The following KCND2 variants were observed in gnomAD, a reference collection of about 807,000 sequenced individuals.
KCND2 encodes the protein A-type voltage-gated potassium channel KCND2.
In KCND2, 16 loss-of-function variants were observed where a neutral mutation model predicts 54.4. The observed-to-expected ratio is 0.29, with a 90% confidence interval of 0.20 to 0.45. The LOEUF (loss-of-function observed/expected upper bound fraction) is 0.45, where lower values mean the gene tolerates loss of function less well. KCND2 is among the 20% of genes least tolerant of loss of function. The pLI, the probability that KCND2 is intolerant of heterozygous loss-of-function variation, is 1.00. For missense variants in KCND2, 486 were observed against 824.2 expected, an observed-to-expected ratio of 0.59 and a Z score of 5.02; for synonymous variants, 317 against 310.7, an observed-to-expected ratio of 1.02 and a Z score of -0.21.
chr7:120,402,417 G>C (rs1271113349), intron 1 of KCND2, among the ~76,000 whole-genome samples: 1 of 152,146 alleles, frequency 6.6e-6, no homozygotes, highest in Non-Finnish European at 1.5e-5. Flanking sequence ...TCTGACCTAA[G>C]TGTTGTTGTT....
intron 1 of KCND2, among the ~76,000 whole-genome samples, chr7:120,731,625 T>A (rs1357273633): frequency 6.6e-6 from 1 of 152,226 alleles, no homozygotes; most frequent in African/African-American, 2.4e-5. Flanking sequence ...CCAATCTCCA[T>A]TTTTAAAACC....
chr7:120,634,403 A>G lies in KCND2; in HGVS notation c.1116-98500A>G, dbSNP rs572444306. 7.2e-5 allele frequency among the ~76,000 whole-genome samples: 11 copies of G among 152,266 alleles called. No homozygotes were observed. The South Asian group carries it at 2.1e-3, about 29-fold the overall frequency. On this transcript the variant is annotated intron_variant, in intron 1 of 5. Coordinates refer to ENST00000331113, the MANE Select transcript of KCND2 (RefSeq NM_012281.3). ...TGTCATCCCTACTTGAATGTCTCAA[A>G]CATATTTTATGCTAAATACAACCAC...
At chr7:120,398,182 T>C (rs75367512) in intron 1 of KCND2, among the ~76,000 whole-genome samples, 10 of 131,994 alleles carry the variant, frequency 7.6e-5, no homozygotes, top group South Asian at 7.0e-4. Context: ...CACACACACA[T>C]ATATATATAT....
intron 1 of KCND2, among the ~76,000 whole-genome samples, chr7:120,402,687 A>G (rs1490998227): frequency 1.3e-5 from 2 of 152,186 alleles, no homozygotes; most frequent in African/African-American, 4.8e-5. Flanking sequence ...AACTTTGATA[A>G]TAAATTCCAG....
intron 1 of KCND2, among the ~76,000 whole-genome samples, chr7:120,345,511 G>A (rs559438826): frequency 2.0e-5 from 3 of 152,150 alleles, no homozygotes; most frequent in East Asian, 1.9e-4. Flanking sequence ...TTACAAAACC[G>A]AAACTCTGTA....
intron 1 of KCND2, among the ~76,000 whole-genome samples, chr7:120,514,550 T>A (rs1803168681): frequency 1.3e-5 from 2 of 152,256 alleles, no homozygotes; most frequent in East Asian, 3.9e-4. Context: ...ATAAAATGTG[T>A]TTAAATAGGA....
intron 1 of KCND2, among the ~76,000 whole-genome samples, chr7:120,298,361 T>G (rs1799540139): frequency 6.6e-6 from 1 of 152,216 alleles, no homozygotes; most frequent in East Asian, 1.9e-4. Context: ...AAAACTATAG[T>G]AGATTTTCAC....
chr7:120,547,308 A>G (rs753813305), intron 1 of KCND2, among the ~76,000 whole-genome samples: 29 of 151,966 alleles, frequency 1.9e-4, no homozygotes, highest in Admixed American at 7.2e-4. Context: ...TAAGAGCTCA[A>G]TGACTGAAAT....
chr7:120,490,364 T>A (rs532368345), intron 1 of KCND2, among the ~76,000 whole-genome samples: 14 of 152,204 alleles, frequency 9.2e-5, no homozygotes, highest in Non-Finnish European at 1.9e-4. Context: ...CACTGTTTTG[T>A]GATCCCAGTA....
chr7:120,339,777 G>A (rs752017583), intron 1 of KCND2, among the ~76,000 whole-genome samples: 1 of 152,030 alleles, frequency 6.6e-6, no homozygotes, highest in African/African-American at 2.4e-5. Context: ...GAAGGGAAGG[G>A]GATCAGGTTG....
At chr7:120,539,895 A>G (rs1057406692) in intron 1 of KCND2, among the ~76,000 whole-genome samples, 53 of 152,284 alleles carry the variant, frequency 3.5e-4, no homozygotes, top group African/African-American at 1.3e-3. Context: ...AACTTCAAAT[A>G]GCATTTACAA....
At chr7:120,590,861 A>T (rs1792662461) in intron 1 of KCND2, among the ~76,000 whole-genome samples, 1 of 152,162 alleles carries the variant, frequency 6.6e-6, no homozygotes, top group Non-Finnish European at 1.5e-5. Context: ...GTCTAGGATA[A>T]CTTGTTATGA....
At position 120,275,208 on chromosome 7, in the gene KCND2, G is replaced by C; in HGVS notation, c.576G>C (p.Gly192=). ...TMALVFYYVT[G]FFIAVSVIAN... The stretch of plus-strand genomic sequence containing the variant: ...CCCTGGTGTTCTACTATGTCACGGG[G>C]TTTTTCATTGCCGTCTCTGTCATCG... The change falls in exon 1 of 6, where the codon GGG becomes GGC. Residue 192 remains glycine (G), a synonymous_variant. Coordinates refer to ENST00000331113, the MANE Select transcript of KCND2 (RefSeq NM_012281.3). 6.2e-7 allele frequency: 1 copy of C among 1,613,940 alleles called. No homozygotes were observed. The highest frequency in any genetic ancestry group is 8.5e-7 in the Non-Finnish European group (1 of 1,180,006).
At chr7:120,699,339 G>A (rs750842322) in intron 1 of KCND2, among the ~76,000 whole-genome samples, 1 of 151,864 alleles carries the variant, frequency 6.6e-6, no homozygotes, top group Non-Finnish European at 1.5e-5. Context: ...GGATCAATTT[G>A]CAAAGGTTAA....
intron 1 of KCND2, among the ~76,000 whole-genome samples, chr7:120,532,125 AT>A (rs1453484719): frequency 6.6e-6 from 1 of 152,076 alleles, no homozygotes; most frequent in Non-Finnish European, 1.5e-5. Context: ...TTCTAGCTGA[AT>A]GTATGCAATA....
intron 1 of KCND2, among the ~76,000 whole-genome samples, chr7:120,699,281 C>CAAA (rs201668632): frequency 7.2e-6 from 1 of 138,478 alleles, no homozygotes; most frequent in African/African-American, 2.6e-5. Flanking sequence ...GACTCCATCT[C>CAAA]AAAAAAAAAA....
At chr7:120,558,642 A>G (rs1792194150) in intron 1 of KCND2, among the ~76,000 whole-genome samples, 1 of 152,168 alleles carries the variant, frequency 6.6e-6, no homozygotes, top group African/African-American at 2.4e-5. Flanking sequence ...ATAATGGTCT[A>G]CATCCTATGG....
At chr7:120,384,959 G>T (rs911098990) in intron 1 of KCND2, among the ~76,000 whole-genome samples, 1 of 138,030 alleles carries the variant, frequency 7.2e-6, no homozygotes, top group Non-Finnish European at 1.6e-5. Flanking sequence ...GTTACTCCTG[G>T]TTACTTTTCT....
chr7:120,480,415 C>T (rs1447526157), intron 1 of KCND2, among the ~76,000 whole-genome samples: 2 of 152,154 alleles, frequency 1.3e-5, no homozygotes, highest in East Asian at 3.8e-4. Flanking sequence ...AAGGTTTAAA[C>T]TGATGAGATT....
Sources: allele counts gnomAD v4.1 joint callset (sites outside exome capture counted in the v4.1 genomes callset), GRCh38; gene constraint gnomAD v4.1.1; transcripts MANE v1.5; gene names NCBI Gene and HGNC (gene_info 2026-07-23, HGNC 2026-07-21).